The following DIP2A variants were observed in gnomAD, a reference collection of about 807,000 sequenced individuals.
DIP2A encodes the protein disco-interacting protein 2 homolog A.
In DIP2A, 85 loss-of-function variants were observed where a neutral mutation model predicts 177.4. The observed-to-expected ratio is 0.48, with a 90% CI of 0.40 to 0.57. The LOEUF (loss-of-function observed/expected upper bound fraction) is 0.57. Among genes scored for constraint, DIP2A ranks in the 20% least tolerant of loss-of-function variants. The pLI is 0.00. For synonymous variants in DIP2A, 886 were observed against 881.8 expected (o/e 1.00, Z -0.08); for missense variants, 1,791 against 2,100.2 (o/e 0.85, Z 2.88).
chr21:46,515,953 G>C (rs984973288), intron 8 of DIP2A, among the ~76,000 whole-genome samples: 1 of 152,120 alleles, frequency 6.6e-6, no homozygotes, highest in Non-Finnish European at 1.5e-5. Context: ...CTTCTGGCCT[G>C]TAGAACTTCC....
chr21:46,474,501 A>G (rs1018948553), intron 1 of DIP2A, among the ~76,000 whole-genome samples: 1 of 152,202 alleles, frequency 6.6e-6, no homozygotes, highest in African/African-American at 2.4e-5. Flanking sequence ...GAGACAGAAC[A>G]TGTGTGGGCA....
At chr21:46,543,837 A>G (rs1367644326) in intron 18 of DIP2A, among the ~76,000 whole-genome samples, 3 of 152,150 alleles carry the variant, frequency 2.0e-5, no homozygotes, top group African/African-American at 7.2e-5. Flanking sequence ...CACCTTCCAC[A>G]TCAGCCAAGC....
In DIP2A at chr21:46,554,906, A is replaced by G; in HGVS notation, c.3361A>G (p.Arg1121Gly). ...GGAGGCTGCTGCTGCCGTGGACATC[A>G]GGACCTGGCCCACCATCCTAGACAC... ...SKEAAAAVDI[R>G]TWPTILDTDD... Residue 1121 changes from arginine (R) to glycine (G), a missense_variant, in exon 28 of 38, where the codon AGG (arginine) becomes GGG (glycine). Arg to Gly is a moderately radical substitution (Grantham distance 125). Coordinates refer to ENST00000417564, the MANE Select transcript of DIP2A (RefSeq NM_015151.4). 1 of 1,552,418 alleles carries G rather than the reference A, an allele frequency of 6.4e-7. No individual in the cohort carries two copies. Among genetic ancestry groups the G allele is most frequent in the Non-Finnish European group, 8.7e-7 (1 of 1,148,144 alleles).
chr21:46,459,240 C>T lies in DIP2A; in HGVS notation c.91+18C>T, dbSNP rs767080729. 7 of 1,516,620 alleles carry T rather than the reference C, an allele frequency of 4.6e-6. No individual in the cohort carries two copies. The highest frequency in any genetic ancestry group is 4.4e-6 in the Non-Finnish European group (5 of 1,133,068). The allele number at this position is 1,516,620 out of a possible 1,614,324, so 93.9% of individuals were successfully genotyped here. ...GTCGGAAGGTGAGCCGGACCCCGCC[C>T]TCAACCCCCGCGACCCGCCCTCAGC... On this transcript the variant is annotated intron_variant, in intron 1 of 37. Transcript: ENST00000417564.
rs1415349435 is a variant in DIP2A, at chr21:46,459,042, C to T, written c.-90C>T. 8.9e-7 allele frequency: 1 copy of T among 1,118,898 alleles called. No individual in the cohort carries two copies. Among genetic ancestry groups the T allele is most frequent in the Non-Finnish European group, 1.2e-6 (1 of 838,008 alleles). The allele number at this position is 1,118,898 out of a possible 1,614,324, so 69.3% of individuals were successfully genotyped here. A position where few individuals can be genotyped will look rare whatever the true frequency, so the allele number is the denominator to read the frequency against. Reference sequence around the variant, plus strand: ...TCGCCTGGCGGATGTAGGTTGTTGGCCTGAGGGGAGCTACGTAGCCGAGGT... The same window carrying T: ...TCGCCTGGCGGATGTAGGTTGTTGGTCTGAGGGGAGCTACGTAGCCGAGGT... On this transcript the variant is annotated 5_prime_UTR_variant, in exon 1 of 38. Coordinates refer to ENST00000417564, the MANE Select transcript of DIP2A (RefSeq NM_015151.4).
At position 46,459,237 on chromosome 21, in the gene DIP2A, G is replaced by A. The variant is rs761175842; in HGVS notation, c.91+15G>A. 6.6e-7 allele frequency: 1 copy of A among 1,516,020 alleles called. No individual in the cohort carries two copies. The highest frequency in any genetic ancestry group is 1.2e-5 in the South Asian group (1 of 81,562). The allele number at this position is 1,516,020 out of a possible 1,614,324, so 93.9% of individuals were successfully genotyped here. A position where few individuals can be genotyped will look rare whatever the true frequency, so the allele number is the denominator to read the frequency against. ...GCTGTCGGAAGGTGAGCCGGACCCCGCCCTCAACCCCCGCGACCCGCCCTC... is the reference window on the plus strand; with the variant it reads ...GCTGTCGGAAGGTGAGCCGGACCCCACCCTCAACCCCCGCGACCCGCCCTC... On this transcript the variant is annotated intron_variant, in intron 1 of 37. Transcript: ENST00000417564.
At chr21:46,464,817 CTTTTTTTTTTTTTTTT>C (rs1168153777) in intron 1 of DIP2A, among the ~76,000 whole-genome samples, 2 of 73,442 alleles carry the variant, frequency 2.7e-5, no homozygotes, top group South Asian at 5.3e-4. Context: ...ATATTCATGT[CTTTTTTTTTTTTTTTT>C]TTTTTTTTTT....
intron 1 of DIP2A, among the ~76,000 whole-genome samples, chr21:46,483,063 G>A (rs1014661199): frequency 1.3e-5 from 2 of 152,124 alleles, no homozygotes; most frequent in Non-Finnish European, 2.9e-5. Flanking sequence ...ATGGAGTGAG[G>A]GGGTGAACAA....
intron 8 of DIP2A, among the ~76,000 whole-genome samples, chr21:46,515,851 G>T (rs1390683391): frequency 6.6e-6 from 1 of 151,982 alleles, no homozygotes; most frequent in African/African-American, 2.4e-5. Flanking sequence ...TTTTTTGTTT[G>T]TTTGTTGTTT....
At chr21:46,534,194 C>A in intron 12 of DIP2A, 81 bp downstream of exon 12, 2 of 1,172,498 alleles carry the variant, frequency 1.7e-6, no homozygotes, top group Non-Finnish European at 2.5e-6. Flanking sequence ...ATGTAAGTTG[C>A]TATTCTTTTT....
chr21:46,524,124 A>C (rs1387607539), intron 8 of DIP2A, among the ~76,000 whole-genome samples: 5 of 152,172 alleles, frequency 3.3e-5, no homozygotes, highest in Non-Finnish European at 7.3e-5. Context: ...GATCCTGTAC[A>C]TGCCTAACCT....
In DIP2A at chr21:46,498,879, A is replaced by G. The variant is rs775336846; in HGVS notation, c.655+46A>G. The G allele has an allele frequency of 4.5e-6, 7 of 1,553,144 alleles. No individual in the cohort carries two copies. The South Asian group carries it at 8.6e-5, about 19-fold the overall frequency. On this transcript the variant is annotated intron_variant, in intron 5 of 37. Transcript: ENST00000417564. This position sits in a 1 kb window ranked among gnomAD's most constrained non-coding sequence, Gnocchi z 4.3. ...GCCCCTGTGCCAGCAGAGCGGGGTCAGGAGTGTCCAGGACAGAGGAGCAGA... is the reference window on the plus strand; with the variant it reads ...GCCCCTGTGCCAGCAGAGCGGGGTCGGGAGTGTCCAGGACAGAGGAGCAGA...
chr21:46,495,224 CTTCTCTTCTCTTCTCTTCTT>C (rs2057256877), intron 3 of DIP2A, among the ~76,000 whole-genome samples: 4 of 83,060 alleles, frequency 4.8e-5, no homozygotes, highest in African/African-American at 8.8e-5. Context: ...CTTCTCTTCT[CTTCTCTTCTCTTCTCTTCTT>C]TCTCTCTCTC....
Position 46,545,153 on chromosome 21 carries a change from G to A in DIP2A, c.2193G>A (p.Val731=), listed in dbSNP as rs140943771. Residue 731 remains valine, a synonymous_variant, in exon 19 of 38, where the codon GTG becomes GTA. Transcript: ENST00000417564. ...TCATTTTAGCTAATGTATGTGTTGT[G>A]AAGTTAGAAGGTACCCCTTATCTTT... ...QVMPGANVCV[V]KLEGTPYLCK... The A allele has an allele frequency of 1.8e-4, 295 of 1,598,612 alleles. No individual in the cohort carries two copies. Among genetic ancestry groups the A allele is most frequent in the Non-Finnish European group, 2.4e-4 (276 of 1,168,582 alleles).
chr21:46,541,245 G>A (rs2059804520), intron 17 of DIP2A, among the ~76,000 whole-genome samples: 1 of 152,072 alleles, frequency 6.6e-6, no homozygotes, highest in South Asian at 2.1e-4. Context: ...CATGCTTTCT[G>A]TGGGCCAGGA....
At chr21:46,566,160 T>A (rs1465872238) in intron 36 of DIP2A, among the ~76,000 whole-genome samples, 1 of 152,172 alleles carries the variant, frequency 6.6e-6, no homozygotes, top group African/African-American at 2.4e-5. Flanking sequence ...GCCAGACCGG[T>A]CTCTCTGCCG....
At chr21:46,512,328 T>G (rs146494332) in intron 8 of DIP2A, among the ~76,000 whole-genome samples, 1 of 152,216 alleles carries the variant, frequency 6.6e-6, no homozygotes, top group African/African-American at 2.4e-5. Flanking sequence ...TAGGTATAAA[T>G]GCAGAAGCAG....
intron 9 of DIP2A, among the ~76,000 whole-genome samples, chr21:46,529,608 A>G (rs538816185): frequency 7.8e-4 from 118 of 151,934 alleles, no homozygotes; most frequent in Middle Eastern, 3.4e-3. Flanking sequence ...TCAAAGAGAA[A>G]AAAAAAAAAA....
At chr21:46,547,463 T>G (rs1212087276) in intron 21 of DIP2A, among the ~76,000 whole-genome samples, 1 of 152,088 alleles carries the variant, frequency 6.6e-6, no homozygotes, top group African/African-American at 2.4e-5. Flanking sequence ...CTTTTCTACA[T>G]GTGTAAAGCA....
Sources: gnomAD v4.1 joint callset for allele counts (sites outside exome capture counted in the v4.1 genomes callset) on GRCh38, gnomAD v4.1.1 for gene constraint, Gnocchi (gnomAD v3.1) non-coding constraint, MANE v1.5 for transcripts, NCBI Gene and HGNC (gene_info 2026-07-23, HGNC 2026-07-21) for gene names.